Variants in POLD1 observed in about 807,000 individuals in gnomAD.
POLD1 encodes DNA polymerase delta 1, catalytic subunit, also known as DNA polymerase delta catalytic subunit.
A neutral mutation model predicts 129.7 loss-of-function variants in POLD1; 79 were observed. The observed-to-expected ratio is 0.61, with a 90% CI of 0.51 to 0.73. The LOEUF (loss-of-function observed/expected upper bound fraction) is 0.73. Ranked by LOEUF, POLD1 falls within the 30% of genes least tolerant of loss-of-function variation. POLD1 has a pLI of 0.00. For missense variants in POLD1, 1,338 were observed against 1,595.8 expected, an observed-to-expected ratio of 0.84 and a Z score of 2.75; for synonymous variants, 714 against 683.3, an observed-to-expected ratio of 1.04 and a Z score of -0.70.
chr19:50,388,801 C>T (rs1411842527), intron 1 of POLD1, among the ~76,000 whole-genome samples: 1 of 148,610 alleles, frequency 6.7e-6, no homozygotes, highest in Non-Finnish European at 1.5e-5. Flanking sequence ...GATACTTCAC[C>T]TCTGAAAACT....
At position 50,417,042 on chromosome 19, in the gene POLD1, C is replaced by T. The variant is rs1555793559; in HGVS notation, c.3068-3C>T. ...GCACTTGGGCTGACCCGCCTCCCCA[C>T]AGGAGCCGTGTGTGAGTTCTGCCAG... is the stretch of plus-strand genomic sequence containing the variant. On this transcript the variant is annotated splice_polypyrimidine_tract_variant and splice_region_variant and intron_variant, in intron 24 of 26. Transcript: ENST00000440232. 1.3e-6 allele frequency: 2 copies of T among 1,550,252 alleles called. No individual in the cohort carries two copies. The highest frequency in any genetic ancestry group is 1.7e-6 in the Non-Finnish European group (2 of 1,146,778).
chr19:50,405,861 C>G (rs2038857266), intron 10 of POLD1, among the ~76,000 whole-genome samples: 1 of 152,184 alleles, frequency 6.6e-6, no homozygotes, highest in African/African-American at 2.4e-5. Flanking sequence ...ACCTGGCCGC[C>G]TGCTCACAGT....
At chr19:50,397,202 C>T (rs2038401808) in intron 1 of POLD1, among the ~76,000 whole-genome samples, 1 of 151,750 alleles carries the variant, frequency 6.6e-6, no homozygotes, top group Non-Finnish European at 1.5e-5. Flanking sequence ...AGTTCAAGAC[C>T]AGCCTGGCCA....
At chr19:50,395,527 T>C (rs543058304) in intron 1 of POLD1, among the ~76,000 whole-genome samples, 13 of 149,720 alleles carry the variant, frequency 8.7e-5, no homozygotes, top group Admixed American at 6.7e-4. Flanking sequence ...GAGCTTGCAG[T>C]GAGCCGAGAT....
chr19:50,390,408 CTTGGGTT>C (rs1185364991), intron 1 of POLD1, among the ~76,000 whole-genome samples: 1 of 151,908 alleles, frequency 6.6e-6, no homozygotes, highest in Non-Finnish European at 1.5e-5. Flanking sequence ...AGCAGACCAT[CTTGGGTT>C]TTATATTCTG....
intron 1 of POLD1, among the ~76,000 whole-genome samples, chr19:50,387,085 G>T (rs2037998044): frequency 6.6e-6 from 1 of 152,108 alleles, no homozygotes; most frequent in Non-Finnish European, 1.5e-5. Context: ...CCAGCACTTT[G>T]GGAGGCCGAG....
chr19:50,385,808 C>T (rs549559091), intron 1 of POLD1, among the ~76,000 whole-genome samples: 92 of 151,866 alleles, frequency 6.1e-4, no homozygotes, highest in Admixed American at 4.8e-3. Flanking sequence ...GGATTACAGG[C>T]GTGAGCCACC....
chr19:50,410,580 A>T (rs931763868), intron 17 of POLD1, among the ~76,000 whole-genome samples: 13 of 152,074 alleles, frequency 8.5e-5, no homozygotes, highest in African/African-American at 3.1e-4. Context: ...AATACAGCAA[A>T]AGGACACAGA....
intron 10 of POLD1, 39 bp downstream of exon 10, chr19:50,403,636 C>T: frequency 7.6e-7 from 1 of 1,309,614 alleles, no homozygotes; most frequent in South Asian, 1.2e-5. Flanking sequence ...CTCAGATGCC[C>T]CAGGTGTGGC....
chr19:50,385,240 G>A (rs1171230087), intron 1 of POLD1, among the ~76,000 whole-genome samples: 1 of 152,134 alleles, frequency 6.6e-6, no homozygotes, highest in South Asian at 2.1e-4. Flanking sequence ...CCTGCAGGCA[G>A]AGAATCAGGC....
chr19:50,413,588 G>C (rs904098022), intron 18 of POLD1, 67 bp downstream of exon 18: 1 of 1,535,636 alleles, frequency 6.5e-7, no homozygotes, highest in Admixed American at 1.7e-5. Context: ...AGCCGGGCCG[G>C]ACCCCCATGT....
chr19:50,408,727 C>CG (rs1568629909), intron 14 of POLD1, 58 bp from the exon 15 acceptor site: 3 of 1,596,544 alleles, frequency 1.9e-6, no homozygotes, highest in South Asian at 2.3e-5. Context: ...CAAGACAGGG[C>CG]GGGGGCGGCA....
In POLD1 at chr19:50,417,808, C is replaced by T. The variant is rs201325496; in HGVS notation, c.3219-34C>T. 13 of 1,406,430 alleles carry T rather than the reference C, an allele frequency of 9.2e-6. No homozygotes were observed. Among genetic ancestry groups the T allele is most frequent in the South Asian group, 1.2e-5 (1 of 82,438 alleles). 87.1% of individuals were successfully genotyped at this position (1,406,430 alleles called of 1,614,324 possible). ...TCCCAGGCTGGGCACTGGGCCTTGG[C>T]TGGTCCTGACCCTGCCCCTGCCCCC... is the stretch of plus-strand genomic sequence containing the variant. On this transcript the variant is annotated intron_variant, in intron 26 of 26. Coordinates refer to ENST00000440232, the MANE Select transcript of POLD1 (RefSeq NM_002691.4).
intron 3 of POLD1, among the ~76,000 whole-genome samples, chr19:50,401,373 ATATATATATATATATATATTTTTTTTT>A (rs2038604236): frequency 1.6e-4 from 8 of 51,334 alleles, no homozygotes; most frequent in Admixed American, 1.4e-3. Context: ...ATGTGTATAT[ATATATATATATATATATATTTTTTTTT>A]TTTTTTTTTT....
intron 10 of POLD1, among the ~76,000 whole-genome samples, chr19:50,405,603 G>A (rs995913768): frequency 6.6e-6 from 1 of 152,074 alleles, no homozygotes; most frequent in African/African-American, 2.4e-5. Context: ...CTAAAATACA[G>A]AACAAACTCT....
intron 17 of POLD1, chr19:50,411,031 C>T (rs944448262): frequency 2.0e-5 from 3 of 148,350 alleles, no homozygotes; most frequent in African/African-American, 7.7e-5. Flanking sequence ...AATCGTGGCT[C>T]ACTGCAGCCT....
rs1555793878 is a variant in POLD1 at position 50,417,885 on chromosome 19, G to A, written c.3262G>A (p.Asp1088Asn). The A allele has an allele frequency of 6.2e-7, 1 of 1,611,506 alleles. No individual in the cohort carries two copies. Among genetic ancestry groups the A allele is most frequent in the East Asian group, 2.2e-5 (1 of 44,830 alleles). Residue 1088 changes from aspartate to asparagine, a missense_variant, in exon 27 of 27, where the codon GAC becomes AAC. Transcript: ENST00000440232. Reference protein sequence around the residue: ...IFYMRKKVRKDLEDQEQLLRR... With the variant: ...IFYMRKKVRKNLEDQEQLLRR... The stretch of plus-strand genomic sequence containing the variant: ...CTACATGCGCAAGAAGGTGCGGAAG[G>A]ACCTGGAAGACCAGGAGCAGCTCCT...
intron 17 of POLD1, among the ~76,000 whole-genome samples, chr19:50,412,158 G>C (rs1410022198): frequency 1.3e-5 from 2 of 152,004 alleles, no homozygotes; most frequent in African/African-American, 4.8e-5. Context: ...TTTAGTTTTT[G>C]TTTGTTTGTT....
At chr19:50,412,799 G>C (rs2039132593) in intron 17 of POLD1, among the ~76,000 whole-genome samples, 1 of 151,798 alleles carries the variant, frequency 6.6e-6, no homozygotes, top group Non-Finnish European at 1.5e-5. Context: ...TAGTAGAGAT[G>C]GTGTTTCACC....
Sources: allele counts gnomAD v4.1 joint callset (sites outside exome capture counted in the v4.1 genomes callset), GRCh38; gene constraint gnomAD v4.1.1; transcripts MANE v1.5; gene names NCBI Gene and HGNC (gene_info 2026-07-23, HGNC 2026-07-21).